The following MAGEB3 variants were observed in gnomAD, a reference collection of about 807,000 sequenced individuals.
The protein encoded by MAGEB3 is melanoma-associated antigen B3.
For missense variants in MAGEB3, 191 were observed against 262.4 expected (o/e 0.73, Z 1.88); for synonymous variants, 91 against 93.0 (o/e 0.98, Z 0.12).
At chrX:30,231,676 CAAAAAAA>C (rs747591707) in intron 2 of MAGEB3, 58 bp downstream of exon 2, 4 of 28,083 alleles carry the variant, frequency 1.4e-4, no homozygotes, top group East Asian at 2.6e-3. Flanking sequence ...GCCCCTGTCA[CAAAAAAA>C]AAAAAAAAAA....
chrX:30,233,770 T>C (rs1196720478), intron 4 of MAGEB3, among the ~76,000 whole-genome samples: 3 of 111,982 alleles, frequency 2.7e-5, no homozygotes, highest in African/African-American at 9.8e-5. Context: ...GAGCGGGACG[T>C]GTCTCACCCT....
intron 2 of MAGEB3, among the ~76,000 whole-genome samples, chrX:30,232,550 G>A (rs1288348652): frequency 1.1e-4 from 11 of 103,690 alleles, no homozygotes; most frequent in East Asian, 9.4e-4. Flanking sequence ...AAGCCCTAGG[G>A]GTCAAGGCTG....
Position 30,237,102 on chromosome X carries a change from T to G in MAGEB3, c.*137T>G, listed in dbSNP as rs965102721. ...TGTTCTAAATGGATAATTTGAAGTTTTATCTGTATTTTGGGGCATATTTTT... is the reference window on the plus strand; with the variant it reads ...TGTTCTAAATGGATAATTTGAAGTTGTATCTGTATTTTGGGGCATATTTTT... On this transcript the variant is annotated 3_prime_UTR_variant, in exon 5 of 5. Coordinates refer to ENST00000361644, the MANE Select transcript of MAGEB3 (RefSeq NM_002365.5). 5 of 433,703 alleles carry G rather than the reference T, an allele frequency of 1.2e-5. No homozygotes were observed. In the African/African-American group the frequency reaches 1.2e-4, roughly 11 times the overall value. The allele number at this position is 433,703 out of a possible 1,213,427, so 35.7% of individuals were successfully genotyped here.
chrX:30,231,101 C>A (rs1193440186), intron 1 of MAGEB3, among the ~76,000 whole-genome samples: 1 of 106,821 alleles, frequency 9.4e-6, no homozygotes, highest in Non-Finnish European at 1.9e-5. Flanking sequence ...ACTGTTTGGG[C>A]CCCCCCAGGA....
chrX:30,237,375 T>C lies in MAGEB3; in HGVS notation c.*410T>C, dbSNP rs1925017635. The stretch of plus-strand genomic sequence containing the variant: ...AGAAAGAGTGTAAGATGGTCAATAT[T>C]TGGTTTCCTAAATGCTTTTACTCTG... On this transcript the variant is annotated 3_prime_UTR_variant, in exon 5 of 5. Coordinates refer to ENST00000361644, the MANE Select transcript of MAGEB3 (RefSeq NM_002365.5). The C allele has an allele frequency of 1.5e-5, 2 of 134,052 alleles. No homozygotes were observed. The highest frequency in any genetic ancestry group is 7.3e-4 in the South Asian group (2 of 2,741). 11.0% of individuals were successfully genotyped at this position (134,052 alleles called of 1,213,427 possible).
chrX:30,235,769 C>T, intron 4 of MAGEB3, 95 bp from the exon 5 acceptor site: 1 of 452,688 alleles, frequency 2.2e-6, no homozygotes, highest in Non-Finnish European at 3.9e-6. Flanking sequence ...GAGCAGTGCT[C>T]TCACAGAAAA....
intron 2 of MAGEB3, among the ~76,000 whole-genome samples, chrX:30,232,323 A>G (rs1924823382): frequency 9.0e-6 from 1 of 111,723 alleles, no homozygotes; most frequent in Non-Finnish European, 1.9e-5. Flanking sequence ...ACTAGAGTCA[A>G]GATGAAGACC....
At chrX:30,235,075 A>C (rs780396708) in intron 4 of MAGEB3, among the ~76,000 whole-genome samples, 26 of 111,782 alleles carry the variant, frequency 2.3e-4, no homozygotes, top group Non-Finnish European at 4.7e-4. Context: ...CCAGTTCTGC[A>C]GAGGGAAGAG....
chrX:30,231,699 A>AAAAAAAAG (rs762516091), intron 2 of MAGEB3, 81 bp downstream of exon 2: 19 of 69,280 alleles, frequency 2.7e-4, no homozygotes, highest in Non-Finnish European at 4.7e-4. Flanking sequence ...AAAAAAAAAA[A>AAAAAAAAG]AAAGAAAGAA....
chrX:30,235,230 G>C (rs180796275), intron 4 of MAGEB3, among the ~76,000 whole-genome samples: 28 of 111,695 alleles, frequency 2.5e-4, no homozygotes, highest in African/African-American at 9.1e-4. Context: ...TGGAGGTCAG[G>C]TGTATGTGAA....
chrX:30,237,066 C>T lies in MAGEB3; in HGVS notation c.*101C>T. On this transcript the variant is annotated 3_prime_UTR_variant, in exon 5 of 5. Coordinates refer to ENST00000361644, the MANE Select transcript of MAGEB3 (RefSeq NM_002365.5). The stretch of plus-strand genomic sequence containing the variant: ...ACTGGAGGGAACACACTGTATAATA[C>T]CTTTTGTTTCTGTTCTAAATGGATA... The T allele has an allele frequency of 5.5e-6, 3 of 542,799 alleles. No individual in the cohort carries two copies. The highest frequency in any genetic ancestry group is 8.6e-6 in the Non-Finnish European group (3 of 348,553). 44.7% of individuals were successfully genotyped at this position (542,799 alleles called of 1,213,427 possible).
rs1396485712 is a variant in MAGEB3, at chrX:30,232,876, C to T, written c.-204C>T. On this transcript the variant is annotated 5_prime_UTR_variant, in exon 3 of 5. Coordinates refer to ENST00000361644, the MANE Select transcript of MAGEB3 (RefSeq NM_002365.5). ...ATCCCAACATTTTGGGCGGAGGAAG[C>T]CAGCCTCATCGCTTAAGCACAGGAG... The T allele has an allele frequency of 9.1e-6, 1 of 109,651 alleles. No homozygotes were observed. Among genetic ancestry groups the T allele is most frequent in the Non-Finnish European group, 1.9e-5 (1 of 52,618 alleles). 9.0% of individuals were successfully genotyped at this position (109,651 alleles called of 1,213,427 possible).
Position 30,235,961 on chromosome X carries a change from G to A in MAGEB3, c.37G>A (p.Glu13Lys). 1.7e-6 allele frequency: 2 copies of A among 1,210,179 alleles called. No individual in the cohort carries two copies. The highest frequency in any genetic ancestry group is 2.2e-6 in the Non-Finnish European group (2 of 894,916). ...RGQKSTLHAR[E>K]KRQQTRGQTQ... ...TCAGAAGAGTACGCTCCATGCACGT[G>A]AGAAACGCCAGCAGACCCGGGGTCA... The change falls in exon 5 of 5, where the codon GAG becomes AAG. Residue 13 changes from glutamate (E) to lysine (K), a missense_variant. By Grantham distance (56) the Glu-to-Lys change is moderately conservative (BLOSUM62 1). Coordinates refer to ENST00000361644, the MANE Select transcript of MAGEB3 (RefSeq NM_002365.5).
intron 4 of MAGEB3, 58 bp downstream of exon 4, chrX:30,233,421 C>CAAAAAAAAAAAA (rs1184413983): frequency 4.2e-5 from 1 of 23,821 alleles, no homozygotes; most frequent in African/African-American, 1.3e-4. Flanking sequence ...GCCCCTGTCA[C>CAAAAAAAAAAAA]AAAAAAAAAA....
At position 30,236,611 on chromosome X, in the gene MAGEB3, G is replaced by T. The variant is rs764056422; in HGVS notation, c.687G>T (p.Lys229Asn). 1.1e-5 allele frequency: 13 copies of T among 1,211,250 alleles called. No individual in the cohort carries two copies. The East Asian group carries it at 3.8e-4, about 36-fold the overall frequency. ...AGAAGATCTGGGAATTCCTGAATAA[G>T]ATGAGAATATATGATGGGAAGAAAC... ...TEEKIWEFLN[K>N]MRIYDGKKHF... The change falls in exon 5 of 5, where the codon AAG (lysine) becomes AAT (asparagine). Residue 229 changes from lysine to asparagine, a missense_variant. Coordinates refer to ENST00000361644, the MANE Select transcript of MAGEB3 (RefSeq NM_002365.5).
chrX:30,231,458 A>C (rs1242704169), intron 1 of MAGEB3, 59 bp from the exon 2 acceptor site: 8 of 108,595 alleles, frequency 7.4e-5, no homozygotes, highest in Non-Finnish European at 1.2e-4. Context: ...TGACAGAGCG[A>C]GACTCCATCT....
Position 30,235,858 on chromosome X carries a change from C to T in MAGEB3, c.-61-6C>T. ...CTCATACCCTCTCTTTCTCTCTCTC[C>T]TCCAGGTGCCTGTATCACCTGCCCT... On this transcript the variant is annotated splice_polypyrimidine_tract_variant and splice_region_variant and intron_variant, in intron 4 of 4. Coordinates refer to ENST00000361644, the MANE Select transcript of MAGEB3 (RefSeq NM_002365.5). 1 of 837,264 alleles carries T rather than the reference C, an allele frequency of 1.2e-6. No homozygotes were observed. Among genetic ancestry groups the T allele is most frequent in the East Asian group, 3.1e-5 (1 of 31,799 alleles). 69.0% of individuals were successfully genotyped at this position (837,264 alleles called of 1,213,427 possible). A position where few individuals can be genotyped will look rare whatever the true frequency, so the allele number is the denominator to read the frequency against.
rs1318405502 is a variant in MAGEB3 at position 30,233,268 on chromosome X, C to A, written c.-157C>A. On this transcript the variant is annotated 5_prime_UTR_variant, in exon 4 of 5. Transcript: ENST00000361644. The stretch of plus-strand genomic sequence containing the variant: ...TTTTTTTTTTAATTTTAAGGCAGGG[C>A]TCTGGCTCACGCTTGTAATCCCAAC... 1 of 95,659 alleles carries A rather than the reference C, an allele frequency of 1.0e-5. No individual in the cohort carries two copies. The highest frequency in any genetic ancestry group is 3.8e-5 in the African/African-American group (1 of 26,119). The allele number at this position is 95,659 out of a possible 1,213,427, so 7.9% of individuals were successfully genotyped here. A position where few individuals can be genotyped will look rare whatever the true frequency, so the allele number is the denominator to read the frequency against.
chrX:30,232,471 A>AT (rs1924832633), intron 2 of MAGEB3, among the ~76,000 whole-genome samples: 1 of 105,295 alleles, frequency 9.5e-6, no homozygotes, highest in Non-Finnish European at 2.0e-5. Flanking sequence ...AAAAAAAAAA[A>AT]TGGCGGGGCA....
Sources: allele counts gnomAD v4.1 joint callset (sites outside exome capture counted in the v4.1 genomes callset), GRCh38; gene constraint gnomAD v4.1.1; transcripts MANE v1.5; gene names NCBI Gene and HGNC (gene_info 2026-07-23, HGNC 2026-07-21).